The following CPEB3 variants were observed in gnomAD, a reference collection of about 807,000 sequenced individuals.
CPEB3 encodes cytoplasmic polyadenylation element-binding protein 3.
Under a neutral mutation model 67.2 loss-of-function variants are expected in CPEB3, and 20 were observed. That is an observed-to-expected ratio of 0.30 (90% CI 0.21 to 0.43). The LOEUF is 0.43. Ranked by LOEUF, CPEB3 falls within the 20% of genes least tolerant of loss-of-function variation. The pLI is 1.00. For synonymous variants in CPEB3, 376 were observed against 393.1 expected, an observed-to-expected ratio of 0.96 and a Z score of 0.51; for missense variants, 746 against 968.6, an observed-to-expected ratio of 0.77 and a Z score of 3.05.
At chr10:92,202,635 A>C (rs1849571682) in intron 2 of CPEB3, among the ~76,000 whole-genome samples, 1 of 151,782 alleles carries the variant, frequency 6.6e-6, no homozygotes, top group Non-Finnish European at 1.5e-5. Context: ...ATTACATATG[A>C]TATTTCATTT....
At chr10:92,214,789 ATTTAT>A (rs1398309573) in intron 2 of CPEB3, among the ~76,000 whole-genome samples, 2 of 151,702 alleles carry the variant, frequency 1.3e-5, no homozygotes, top group African/African-American at 4.8e-5. Flanking sequence ...CCTGGCTCAA[ATTTAT>A]TTTAACAATT....
At chr10:92,184,074 T>C (rs1848579647) in intron 3 of CPEB3, among the ~76,000 whole-genome samples, 1 of 152,214 alleles carries the variant, frequency 6.6e-6, no homozygotes, top group African/African-American at 2.4e-5. Context: ...AAGATGAAAC[T>C]GAAAGGAAGC....
intron 9 of CPEB3, among the ~76,000 whole-genome samples, chr10:92,068,835 CT>C (rs1842651132): frequency 6.6e-6 from 1 of 152,148 alleles, no homozygotes; most frequent in African/African-American, 2.4e-5. Context: ...AAAACTATTT[CT>C]AGTCAAGGGC....
intron 6 of CPEB3, among the ~76,000 whole-genome samples, chr10:92,127,447 A>G (rs1282682097): frequency 6.6e-6 from 1 of 152,152 alleles, no homozygotes; most frequent in Non-Finnish European, 1.5e-5. Context: ...AGACCGAGGC[A>G]GGTGGATCAC....
At chr10:92,288,901 A>G (rs573383101) in intron 1 of CPEB3, among the ~76,000 whole-genome samples, 23 of 152,310 alleles carry the variant, frequency 1.5e-4, no homozygotes, top group African/African-American at 3.4e-4. Flanking sequence ...ATAAGTACAC[A>G]ATAAGGTTAG....
At chr10:92,152,817 C>T (rs1033243248) in intron 4 of CPEB3, among the ~76,000 whole-genome samples, 3 of 152,094 alleles carry the variant, frequency 2.0e-5, no homozygotes, top group South Asian at 2.1e-4. Flanking sequence ...TAAATATATT[C>T]GTTTCACTTA....
At chr10:92,084,497 G>C (rs1009294331) in intron 8 of CPEB3, among the ~76,000 whole-genome samples, 2 of 152,280 alleles carry the variant, frequency 1.3e-5, no homozygotes, top group Middle Eastern at 6.8e-3. Flanking sequence ...AAACCAAGGT[G>C]ACTTAAGAAG....
intron 8 of CPEB3, among the ~76,000 whole-genome samples, chr10:92,089,723 CA>C (rs1173808532): frequency 6.6e-6 from 1 of 151,918 alleles, no homozygotes; most frequent in Non-Finnish European, 1.5e-5. Context: ...GTGGAGGTTG[CA>C]GTGAGCTGAG....
chr10:92,254,709 T>G (rs1463955441), intron 1 of CPEB3, among the ~76,000 whole-genome samples: 1 of 151,860 alleles, frequency 6.6e-6, no homozygotes, highest in Non-Finnish European at 1.5e-5. Context: ...CAAGCCAGAG[T>G]TCAGTGGCAT....
intron 8 of CPEB3, among the ~76,000 whole-genome samples, chr10:92,086,197 T>C (rs1843365449): frequency 6.6e-6 from 1 of 152,120 alleles, no homozygotes; most frequent in African/African-American, 2.4e-5. Context: ...ACAAAACAGA[T>C]AGGCAAGAGG....
At chr10:92,147,105 G>A (rs78035159) in intron 4 of CPEB3, among the ~76,000 whole-genome samples, 1,603 of 152,222 alleles carry the variant, frequency 0.011, 20 homozygotes, top group African/African-American at 0.037. Flanking sequence ...AAAATAATGC[G>A]TACGTTATGC....
At chr10:92,289,608 G>A (rs1230887720) in intron 1 of CPEB3, among the ~76,000 whole-genome samples, 11 of 149,174 alleles carry the variant, frequency 7.4e-5, no homozygotes, top group Non-Finnish European at 1.2e-4. Context: ...GGTCACATGC[G>A]GTGACTCACA....
intron 1 of CPEB3, among the ~76,000 whole-genome samples, chr10:92,254,357 A>T (rs1480472011): frequency 2.0e-5 from 3 of 151,978 alleles, no homozygotes; most frequent in African/African-American, 4.8e-5. Context: ...GTTAAAAGCT[A>T]AGGCAATTTA....
chr10:92,108,338 T>C (rs1390080871), intron 7 of CPEB3, among the ~76,000 whole-genome samples: 1 of 152,170 alleles, frequency 6.6e-6, no homozygotes, highest in Non-Finnish European at 1.5e-5. Flanking sequence ...CTCATTTACT[T>C]CCAAAGGTTC....
chr10:92,118,585 CA>C, intron 6 of CPEB3: 1 of 333,520 alleles, frequency 3.0e-6, no homozygotes, highest in Non-Finnish European at 5.7e-6. Context: ...ATATAAAAGA[CA>C]AAAAGCCTAG....
intron 1 of CPEB3, among the ~76,000 whole-genome samples, chr10:92,250,469 A>G (rs754880505): frequency 6.6e-6 from 1 of 152,210 alleles, no homozygotes; most frequent in Non-Finnish European, 1.5e-5. Context: ...AGGGGGGTCA[A>G]TTTATTATTG....
intron 7 of CPEB3, among the ~76,000 whole-genome samples, chr10:92,096,664 C>G (rs896731804): frequency 6.6e-6 from 1 of 152,148 alleles, no homozygotes; most frequent in Non-Finnish European, 1.5e-5. Context: ...AGGTTGCTGG[C>G]CAGGTGCAGT....
chr10:92,194,554 G>C (rs561306047), intron 2 of CPEB3, among the ~76,000 whole-genome samples: 1 of 152,114 alleles, frequency 6.6e-6, no homozygotes, highest in African/African-American at 2.4e-5. Context: ...GCACTGACAC[G>C]AAGAAACCTT....
intron 7 of CPEB3, among the ~76,000 whole-genome samples, chr10:92,095,597 TATA>T (rs1272701534): frequency 2.4e-5 from 2 of 82,280 alleles, no homozygotes; most frequent in Non-Finnish European, 4.6e-5. Flanking sequence ...TATATATATA[TATA>T]TTTTTTTTTT....
Sources: allele counts gnomAD v4.1 joint callset (sites outside exome capture counted in the v4.1 genomes callset), GRCh38; gene constraint gnomAD v4.1.1; transcripts MANE v1.5; gene names NCBI Gene and HGNC (gene_info 2026-07-23, HGNC 2026-07-21).